The following RB1CC1 variants were observed in gnomAD, a reference collection of about 807,000 sequenced individuals.
The protein encoded by RB1CC1 is RB1 inducible coiled-coil 1, also known as RB1-inducible coiled-coil protein 1.
RB1CC1 carries 46 observed loss-of-function variants against 177.5 expected under a neutral mutation model. The ratio of observed to expected loss-of-function variants is 0.26; its 90% CI spans 0.20 to 0.33. The LOEUF is 0.33. Ranked by LOEUF, RB1CC1 falls within the 10% of genes least tolerant of loss-of-function variation. RB1CC1 has a pLI of 1.00. For synonymous variants in RB1CC1, 666 were observed against 613.6 expected, an observed-to-expected ratio of 1.09 and a Z score of -1.26; for missense variants, 1,703 against 1,816.3, an observed-to-expected ratio of 0.94 and a Z score of 1.13.
At chr8:52,679,213 A>G (rs1853461678) in intron 5 of RB1CC1, among the ~76,000 whole-genome samples, 1 of 152,232 alleles carries the variant, frequency 6.6e-6, no homozygotes, top group Non-Finnish European at 1.5e-5. Flanking sequence ...TAAGATAGCT[A>G]CAAAGATAAG....
Position 52,658,901 on chromosome 8 carries a change from A to G in RB1CC1, c.1765T>C (p.Cys589Arg). 6.3e-7 allele frequency: 1 copy of G among 1,585,926 alleles called. No homozygotes were observed. Among genetic ancestry groups the G allele is most frequent in the Non-Finnish European group, 8.6e-7 (1 of 1,167,942 alleles). ...AGGAATGGCTGAACTTCCGAAGGAC[A>G]AAATGATTGCAGAAACTGTAAATCT... ...LKDLQFLQSF[C>R]PSEVQPFLRV... Residue 589 changes from cysteine to arginine, a missense_variant, in exon 13 of 24, where the codon TGT (cysteine) becomes CGT (arginine). Around this residue, in one of 6 missense-constraint regions of RB1CC1, gnomAD observed 1,169 missense variants for 1,184.7 expected, o/e 0.99. Coordinates refer to ENST00000025008, the MANE Select transcript of RB1CC1 (RefSeq NM_014781.5).
intron 5 of RB1CC1, among the ~76,000 whole-genome samples, chr8:52,680,502 CAGAAGAGATTGCAGAAGT>C (rs886375552): frequency 8.5e-4 from 129 of 152,278 alleles, no homozygotes; most frequent in African/African-American, 2.9e-3. Flanking sequence ...CATTTCGGTA[CAGAAGAGATTGCAGAAGT>C]AGAAGAGAAG....
Position 52,623,587 on chromosome 8 carries a change from T to C in RB1CC1, c.*195A>G, listed in dbSNP as rs1848187137. On this transcript the variant is annotated 3_prime_UTR_variant, in exon 24 of 24. Transcript: ENST00000025008. Reference sequence around the variant, plus strand: ...AACCAAAAAACAAAAACCATTTTAATTCAGCCAAGGATTCTGATGAATTTA... The same window carrying C: ...AACCAAAAAACAAAAACCATTTTAACTCAGCCAAGGATTCTGATGAATTTA... 1.7e-6 allele frequency: 1 copy of C among 602,506 alleles called. No homozygotes were observed. The highest frequency in any genetic ancestry group is 3.0e-6 in the Non-Finnish European group (1 of 329,056). 37.3% of individuals were successfully genotyped at this position (602,506 alleles called of 1,614,324 possible). A position where few individuals can be genotyped will look rare whatever the true frequency, so the allele number is the denominator to read the frequency against.
chr8:52,673,054 T>A (rs1852753097), intron 7 of RB1CC1, among the ~76,000 whole-genome samples: 1 of 152,242 alleles, frequency 6.6e-6, no homozygotes, highest in African/African-American at 2.4e-5. Flanking sequence ...AACAGCAATG[T>A]ATGTATTCTT....
At chr8:52,704,731 G>A (rs749471767) in intron 1 of RB1CC1, among the ~76,000 whole-genome samples, 6 of 152,082 alleles carry the variant, frequency 3.9e-5, no homozygotes, top group Non-Finnish European at 8.8e-5. Context: ...TAAAGTTATT[G>A]CATGTAATTG....
intron 1 of RB1CC1, among the ~76,000 whole-genome samples, chr8:52,702,213 A>G (rs1258489920): frequency 6.6e-6 from 1 of 152,244 alleles, no homozygotes; most frequent in Non-Finnish European, 1.5e-5. Context: ...TGTATGGTTT[A>G]TAAAATTAGT....
At chr8:52,663,337 T>C (rs1851790857) in intron 8 of RB1CC1, among the ~76,000 whole-genome samples, 3 of 151,598 alleles carry the variant, frequency 2.0e-5, no homozygotes, top group South Asian at 4.1e-4. Context: ...CACAGCTTCA[T>C]AGGTTTGGTG....
At chr8:52,672,587 A>G (rs973903827) in intron 7 of RB1CC1, among the ~76,000 whole-genome samples, 2 of 152,132 alleles carry the variant, frequency 1.3e-5, no homozygotes, top group African/African-American at 4.8e-5. Flanking sequence ...CTGTGCAAAC[A>G]ATGAAAAAAT....
chr8:52,666,579 C>T (rs531768446), intron 8 of RB1CC1, among the ~76,000 whole-genome samples: 1 of 150,782 alleles, frequency 6.6e-6, no homozygotes, highest in East Asian at 2.0e-4. Context: ...CACACAGGAA[C>T]AGGCAATACA....
chr8:52,628,615 T>C (rs1001671957), intron 21 of RB1CC1, among the ~76,000 whole-genome samples: 1 of 152,196 alleles, frequency 6.6e-6, no homozygotes, highest in Non-Finnish European at 1.5e-5. Flanking sequence ...AAAAAGCAAC[T>C]GAGCTAGGTC....
At chr8:52,666,932 G>C (rs537062222) in intron 8 of RB1CC1, among the ~76,000 whole-genome samples, 18 of 152,294 alleles carry the variant, frequency 1.2e-4, no homozygotes, top group Non-Finnish European at 2.2e-4. Context: ...AGAAGGAAAA[G>C]CAAGTGAGGG....
intron 1 of RB1CC1, among the ~76,000 whole-genome samples, chr8:52,693,788 G>A (rs1316772754): frequency 1.3e-5 from 2 of 152,074 alleles, no homozygotes; most frequent in Non-Finnish European, 2.9e-5. Flanking sequence ...GAGGGTGAAG[G>A]GTGGGAGGAG....
At chr8:52,658,581 A>AG (rs1433650664) in intron 13 of RB1CC1, among the ~76,000 whole-genome samples, 66 of 40,690 alleles carry the variant, frequency 1.6e-3, no homozygotes, top group Non-Finnish European at 2.9e-3. Flanking sequence ...CGTCTCAAGA[A>AG]AAAAAAAAAA....
intron 1 of RB1CC1, among the ~76,000 whole-genome samples, chr8:52,711,837 T>G (rs938753742): frequency 2.0e-5 from 3 of 152,210 alleles, no homozygotes; most frequent in Non-Finnish European, 2.9e-5. Context: ...GTATATGCCA[T>G]GTATATCAGA....
chr8:52,645,312 ATTT>A (rs933728072), intron 16 of RB1CC1, among the ~76,000 whole-genome samples: 1 of 152,186 alleles, frequency 6.6e-6, no homozygotes, highest in Non-Finnish European at 1.5e-5. Context: ...AAATAAAATC[ATTT>A]TTTAAATTAA....
chr8:52,712,214 CATT>C (rs1476389892), intron 1 of RB1CC1, among the ~76,000 whole-genome samples: 2 of 152,078 alleles, frequency 1.3e-5, no homozygotes, highest in Non-Finnish European at 2.9e-5. Context: ...CAGAAAATAT[CATT>C]ACCTGAATGA....
chr8:52,701,871 A>AT (rs1042514326), intron 1 of RB1CC1, among the ~76,000 whole-genome samples: 29 of 151,820 alleles, frequency 1.9e-4, no homozygotes, highest in African/African-American at 6.3e-4. Flanking sequence ...CAGTGGCACA[A>AT]TCTCAGCTCA....
At chr8:52,694,797 G>A (rs1333556724) in intron 1 of RB1CC1, among the ~76,000 whole-genome samples, 1 of 152,090 alleles carries the variant, frequency 6.6e-6, no homozygotes, top group East Asian at 1.9e-4. Context: ...GATAGACCCA[G>A]GACTGATCAC....
intron 1 of RB1CC1, among the ~76,000 whole-genome samples, chr8:52,708,288 G>A (rs912332368): frequency 1.3e-5 from 2 of 152,138 alleles, no homozygotes; most frequent in Non-Finnish European, 2.9e-5. Flanking sequence ...AGGCTGAGGC[G>A]GGTGGATCAC....
Sources: allele counts gnomAD v4.1 joint callset (sites outside exome capture counted in the v4.1 genomes callset), GRCh38; gene constraint gnomAD v4.1.1; regional missense constraint gnomAD v4.1.1; transcripts MANE v1.5; gene names NCBI Gene and HGNC (gene_info 2026-07-23, HGNC 2026-07-21).